SVEP1: variants seen among roughly 807,000 people sequenced by gnomAD.
SVEP1 encodes the protein sushi, von Willebrand factor type A, EGF and pentraxin domain-containing protein 1.
Under a neutral mutation model 367.3 loss-of-function variants are expected in SVEP1, and 164 were observed. The ratio of observed to expected loss-of-function variants is 0.45; its 90% CI spans 0.39 to 0.51. The LOEUF is 0.51. SVEP1 is among the 20% of genes least tolerant of loss of function. SVEP1 has a pLI of 0.00. For missense variants in SVEP1, 4,117 were observed against 4,425.3 expected, an observed-to-expected ratio of 0.93 and a Z score of 1.98; for synonymous variants, 1,666 against 1,611.6, an observed-to-expected ratio of 1.03 and a Z score of -0.81.
chr9:110,471,310 T>G, intron 16 of SVEP1, 54 bp downstream of exon 16: 1 of 1,433,604 alleles, frequency 7.0e-7, no homozygotes, highest in Non-Finnish European at 9.7e-7. Context: ...GCTACACCCA[T>G]CTCATTTGAC....
At position 110,411,205 on chromosome 9, in the gene SVEP1, G is replaced by T; in HGVS notation, c.6506C>A (p.Ala2169Asp). The T allele has an allele frequency of 6.2e-7, 1 of 1,614,030 alleles. No homozygotes were observed. The highest frequency in any genetic ancestry group is 1.6e-4 in the Middle Eastern group (1 of 6,062). The change falls in exon 37 of 48, where the codon GCT becomes GAT. Residue 2169 changes from alanine to aspartate, a missense_variant. Ala to Asp is a moderately radical substitution (Grantham distance 126). Coordinates refer to ENST00000374469, the MANE Select transcript of SVEP1 (RefSeq NM_153366.4). ...GTAGAACCCCTTGTTGCAGCTGTAA[G>T]CCACCATGGCTCCAAAACTGTAGTT... Reference protein sequence around the residue: ...GSNYSFGAMVAYSCNKGFYIK... With the variant: ...GSNYSFGAMVDYSCNKGFYIK...
chr9:110,401,040 G>A, intron 39 of SVEP1, 31 bp from the exon 40 acceptor site: 1 of 1,610,086 alleles, frequency 6.2e-7, no homozygotes, highest in South Asian at 1.1e-5. Flanking sequence ...TGTAAGTTAT[G>A]TTTAGAAGTT....
chr9:110,388,933 C>T (rs1296134567), intron 41 of SVEP1, among the ~76,000 whole-genome samples: 2 of 151,770 alleles, frequency 1.3e-5, no homozygotes, highest in Non-Finnish European at 2.9e-5. Context: ...TGCACTACTG[C>T]ACTCCACCCT....
Position 110,447,005 on chromosome 9 carries a change from C to T in SVEP1, c.4156G>A (p.Glu1386Lys), listed in dbSNP as rs1460345046. 1.9e-6 allele frequency: 3 copies of T among 1,543,404 alleles called. No individual in the cohort carries two copies. The highest frequency in any genetic ancestry group is 2.5e-5 in the East Asian group (1 of 40,728). ...TGSHCELNIN[E>K]CQSNPCRNQA... The stretch of plus-strand genomic sequence containing the variant: ...TTTCTACATGGATTAGACTGACATT[C>T]ATTGATGTTCAATTCACAGTGTGAT... The change falls in exon 25 of 48, where the codon GAA becomes AAA. Residue 1386 changes from glutamate (E) to lysine (K), a missense_variant. Physicochemically the swap from Glu to Lys is moderately conservative, Grantham distance 56 (BLOSUM62 1). Coordinates refer to ENST00000374469, the MANE Select transcript of SVEP1 (RefSeq NM_153366.4).
At chr9:110,424,579 C>T (rs1257614964) in intron 36 of SVEP1, among the ~76,000 whole-genome samples, 4 of 152,108 alleles carry the variant, frequency 2.6e-5, no homozygotes, top group African/African-American at 9.7e-5. Flanking sequence ...AAATAGAGAT[C>T]TAAGGTAATG....
chr9:110,471,106 T>C (rs1829010089), intron 16 of SVEP1, among the ~76,000 whole-genome samples: 1 of 152,204 alleles, frequency 6.6e-6, no homozygotes, highest in East Asian at 1.9e-4. Flanking sequence ...TTATTATTAT[T>C]GGAGCTGTTA....
intron 15 of SVEP1, 90 bp downstream of exon 15, chr9:110,472,069 T>A (rs946905037): frequency 1.5e-6 from 2 of 1,296,290 alleles, no homozygotes; most frequent in Non-Finnish European, 2.2e-6. Flanking sequence ...CATTTCCTAA[T>A]AATGATAACA....
At chr9:110,472,955 T>C (rs1403811604) in intron 14 of SVEP1, among the ~76,000 whole-genome samples, 2 of 152,198 alleles carry the variant, frequency 1.3e-5, no homozygotes, top group Non-Finnish European at 2.9e-5. Context: ...GGCTGCTGTA[T>C]AATCTTAGTC....
At chr9:110,468,244 A>G (rs1450779893) in intron 17 of SVEP1, among the ~76,000 whole-genome samples, 1 of 152,234 alleles carries the variant, frequency 6.6e-6, no homozygotes, top group Non-Finnish European at 1.5e-5. Context: ...GGACTTCTTT[A>G]AAGTGGGGGA....
chr9:110,431,097 T>C (rs1828343634), intron 32 of SVEP1, among the ~76,000 whole-genome samples: 1 of 152,216 alleles, frequency 6.6e-6, no homozygotes, highest in African/African-American at 2.4e-5. Context: ...ATTCTTAAAG[T>C]AAATGCAATT....
chr9:110,533,594 C>CTG (rs61074591), intron 3 of SVEP1, among the ~76,000 whole-genome samples: 4 of 146,598 alleles, frequency 2.7e-5, no homozygotes, highest in East Asian at 2.3e-4. Context: ...CTCTGTGTGT[C>CTG]TGTGTGTGTG....
At chr9:110,390,286 C>CTTATATAAGTATATAT (rs1564127486) in intron 40 of SVEP1, among the ~76,000 whole-genome samples, 4 of 39,918 alleles carry the variant, frequency 1.0e-4, no homozygotes, top group East Asian at 3.2e-4. Context: ...TATATATATA[C>CTTATATAAGTATATAT]ATACTTATAT....
At chr9:110,482,213 G>T in intron 11 of SVEP1, 148 bp downstream of exon 11, 1 of 806,812 alleles carries the variant, frequency 1.2e-6, no homozygotes, top group Non-Finnish European at 1.8e-6. Flanking sequence ...GTCAAGGAAT[G>T]ACAATGGAAA....
intron 1 of SVEP1, among the ~76,000 whole-genome samples, chr9:110,558,937 AATT>A (rs1254894419): frequency 2.0e-5 from 3 of 152,130 alleles, no homozygotes; most frequent in Non-Finnish European, 4.4e-5. Flanking sequence ...AATGCAACAC[AATT>A]ATTACCCCAA....
At chr9:110,553,999 T>C (rs1470275007) in intron 1 of SVEP1, among the ~76,000 whole-genome samples, 2 of 152,220 alleles carry the variant, frequency 1.3e-5, no homozygotes, top group Admixed American at 1.3e-4. Flanking sequence ...CTTTTGTCTT[T>C]GCTGTGACAT....
At chr9:110,441,083 T>C (rs907009677) in intron 27 of SVEP1, among the ~76,000 whole-genome samples, 3 of 152,160 alleles carry the variant, frequency 2.0e-5, no homozygotes, top group Non-Finnish European at 4.4e-5. Context: ...GTAAAAATAT[T>C]TGGGTAATTA....
chr9:110,494,723 T>C (rs1335951904), intron 8 of SVEP1, among the ~76,000 whole-genome samples: 2 of 152,152 alleles, frequency 1.3e-5, no homozygotes, highest in Non-Finnish European at 2.9e-5. Context: ...CTGCTTTGAG[T>C]TCATGTTCTA....
chr9:110,489,538 C>T, intron 9 of SVEP1, 112 bp downstream of exon 9: 1 of 1,029,864 alleles, frequency 9.7e-7, no homozygotes. Context: ...AAAGACCCAC[C>T]TCTATGATTC....
At chr9:110,539,488 C>A (rs1326647403) in intron 3 of SVEP1, among the ~76,000 whole-genome samples, 2 of 151,930 alleles carry the variant, frequency 1.3e-5, no homozygotes, top group East Asian at 1.9e-4. Flanking sequence ...TCATTCTGTT[C>A]TTTTCCTTCT....
Sources: allele counts gnomAD v4.1 joint callset (sites outside exome capture counted in the v4.1 genomes callset), GRCh38; gene constraint gnomAD v4.1.1; transcripts MANE v1.5; gene names NCBI Gene and HGNC (gene_info 2026-07-23, HGNC 2026-07-21).